The following SCN9A variants were observed in gnomAD, a reference collection of about 807,000 sequenced individuals.
SCN9A encodes the protein sodium channel protein type 9 subunit alpha.
Under a neutral mutation model 187.0 loss-of-function variants are expected in SCN9A, and 131 were observed. The observed-to-expected ratio is 0.70, with a 90% confidence interval of 0.61 to 0.81. The LOEUF (loss-of-function observed/expected upper bound fraction) is 0.81. Among genes scored for constraint, SCN9A ranks in the 30% least tolerant of loss-of-function variants. SCN9A has a pLI of 0.00. For missense variants in SCN9A, 2,252 were observed against 2,396.6 expected (o/e 0.94, Z 1.26); for synonymous variants, 809 against 808.6 (o/e 1.00, Z -0.01).
At chr2:166,239,821 G>A (rs1001153809) in intron 19 of SCN9A, among the ~76,000 whole-genome samples, 4 of 152,176 alleles carry the variant, frequency 2.6e-5, no homozygotes, top group Non-Finnish European at 5.9e-5. Context: ...TCTTGATGAT[G>A]AGAACCTCTC....
At chr2:166,271,755 G>A (rs1696997753) in intron 17 of SCN9A, among the ~76,000 whole-genome samples, 1 of 152,014 alleles carries the variant, frequency 6.6e-6, no homozygotes, top group South Asian at 2.1e-4. Flanking sequence ...CAACTCAGGA[G>A]GTGGAGGCAG....
chr2:166,297,966 G>T (rs1474484734), intron 7 of SCN9A, among the ~76,000 whole-genome samples: 1 of 148,392 alleles, frequency 6.7e-6, no homozygotes, highest in Non-Finnish European at 1.5e-5. Context: ...GATTAATGTA[G>T]CAAAATAGAA....
At chr2:166,281,834 TAAG>T in intron 12 of SCN9A, 26 bp from the exon 13 acceptor site, 1 of 1,592,734 alleles carries the variant, frequency 6.3e-7, no homozygotes, top group Non-Finnish European at 8.5e-7. Context: ...ATTAATGTCT[TAAG>T]AACAGAATCC....
chr2:166,363,306 C>T (rs1380721537), intron 1 of SCN9A, among the ~76,000 whole-genome samples: 1 of 151,956 alleles, frequency 6.6e-6, no homozygotes, highest in African/African-American at 2.4e-5. Context: ...AATTTGTTTA[C>T]TCAAGTATTA....
chr2:166,354,905 GA>G (rs1004090788), intron 1 of SCN9A, among the ~76,000 whole-genome samples: 2 of 151,288 alleles, frequency 1.3e-5, no homozygotes, highest in African/African-American at 4.9e-5. Context: ...GAAAAGCATA[GA>G]AAAAAATAAA....
At chr2:166,333,860 T>A (rs1699567816) in intron 1 of SCN9A, among the ~76,000 whole-genome samples, 1 of 152,016 alleles carries the variant, frequency 6.6e-6, no homozygotes, top group Admixed American at 6.6e-5. Context: ...CAATACGGAC[T>A]TTTTCCCTGT....
chr2:166,294,505 C>A, intron 8 of SCN9A, 94 bp downstream of exon 8: 2 of 812,094 alleles, frequency 2.5e-6, no homozygotes. Context: ...ATATAAAAAG[C>A]AATATAGAAT....
intron 24 of SCN9A, among the ~76,000 whole-genome samples, chr2:166,215,152 C>A (rs1694276492): frequency 6.6e-6 from 1 of 152,086 alleles, no homozygotes; most frequent in South Asian, 2.1e-4. Context: ...TAACCTTGAA[C>A]AACTCATAAT....
Position 166,362,113 on chromosome 2 carries a change from T to C in SCN9A, c.-51+13584A>G, listed in dbSNP as rs533248873. On this transcript the variant is annotated intron_variant, in intron 1 of 26. Transcript: ENST00000642356. ...TTTTGATGAAGACATTGTTTGAGAA[T>C]CTATATTAGCAAAGGAAGGGGGTAA... Among the ~76,000 whole-genome samples the C allele has an allele frequency of 2.6e-5, 4 of 152,202 alleles. No individual in the cohort carries two copies. The East Asian group carries it at 7.7e-4, about 29-fold the overall frequency.
intron 3 of SCN9A, 80 bp from the exon 4 acceptor site, chr2:166,306,679 A>C (rs1039964530): frequency 9.8e-7 from 1 of 1,024,866 alleles, no homozygotes; most frequent in African/African-American, 1.6e-5. Flanking sequence ...AAATGCTTAC[A>C]ACTTTTCCTA....
chr2:166,254,572 A>G (rs1011358059), intron 17 of SCN9A, among the ~76,000 whole-genome samples: 1 of 151,436 alleles, frequency 6.6e-6, no homozygotes, highest in African/African-American at 2.4e-5. Flanking sequence ...GTTTTTTACT[A>G]TACAAGGAAG....
At chr2:166,203,267 TCTTAA>T (rs1693631528) in intron 26 of SCN9A, among the ~76,000 whole-genome samples, 1 of 151,824 alleles carries the variant, frequency 6.6e-6, no homozygotes, top group Non-Finnish European at 1.5e-5. Context: ...AATCTCTCTC[TCTTAA>T]AAGTTTATAA....
At chr2:166,311,911 A>T (rs1385055536) in intron 1 of SCN9A, 105 bp from the exon 2 acceptor site, 1 of 608,902 alleles carries the variant, frequency 1.6e-6, no homozygotes, top group African/African-American at 1.8e-5. Context: ...TCAACTACAA[A>T]AGGTAACATG....
intron 24 of SCN9A, among the ~76,000 whole-genome samples, chr2:166,208,339 T>A (rs1484681648): frequency 6.6e-6 from 1 of 152,220 alleles, no homozygotes; most frequent in African/African-American, 2.4e-5. Context: ...GAGTAGTCAC[T>A]GCATTTGTGT....
chr2:166,257,300 C>T (rs760312118), intron 17 of SCN9A, among the ~76,000 whole-genome samples: 57 of 151,052 alleles, frequency 3.8e-4, no homozygotes, highest in Non-Finnish European at 7.4e-4. Context: ...AGTGTAGATA[C>T]GCAGACTCAA....
At chr2:166,226,519 T>TA (rs2106383096) in intron 24 of SCN9A, 48 bp downstream of exon 24, 1 of 1,284,112 alleles carries the variant, frequency 7.8e-7, no homozygotes, top group Non-Finnish European at 1.1e-6. Flanking sequence ...TTTTGGAAAA[T>TA]AATTGTTCAT....
chr2:166,209,749 G>A (rs62176621), intron 24 of SCN9A, among the ~76,000 whole-genome samples: 3,210 of 146,486 alleles, frequency 0.022, 93 homozygotes, highest in East Asian at 0.095. Flanking sequence ...AATCAAAACC[G>A]CAATGAGATA....
intron 16 of SCN9A, chr2:166,276,341 A>C (rs1697235637): frequency 6.6e-6 from 1 of 152,170 alleles, no homozygotes; most frequent in African/African-American, 2.4e-5. Flanking sequence ...CTGCCACTGT[A>C]ATGTAAAAGC....
chr2:166,284,866 C>A (rs1697668169), intron 11 of SCN9A, 42 bp from the exon 12 acceptor site: 1 of 1,527,096 alleles, frequency 6.5e-7, no homozygotes, highest in African/African-American at 1.4e-5. Flanking sequence ...GAAGCACCTA[C>A]TGATAGAAGT....
Sources: allele counts gnomAD v4.1 joint callset (sites outside exome capture counted in the v4.1 genomes callset), GRCh38; gene constraint gnomAD v4.1.1; transcripts MANE v1.5; gene names NCBI Gene and HGNC (gene_info 2026-07-23, HGNC 2026-07-21).